CAMK1D: variants seen among roughly 807,000 people sequenced by gnomAD.
CAMK1D encodes calcium/calmodulin-dependent protein kinase type 1D.
In CAMK1D, 9 loss-of-function variants were observed where a neutral mutation model predicts 47.7. The ratio of observed to expected loss-of-function variants is 0.19; its 90% CI spans 0.11 to 0.33. The LOEUF is 0.33. Ranked by LOEUF, CAMK1D falls within the 10% of genes least tolerant of loss-of-function variation. CAMK1D has a pLI of 1.00. For missense variants in CAMK1D, 291 were observed against 488.7 expected, an observed-to-expected ratio of 0.60 and a Z score of 3.81; for synonymous variants, 184 against 184.9, an observed-to-expected ratio of 0.99 and a Z score of 0.04.
At chr10:12,674,599 C>CCTTTTTTTTTTT (rs1840736374) in intron 3 of CAMK1D, among the ~76,000 whole-genome samples, 2 of 63,472 alleles carry the variant, frequency 3.2e-5, no homozygotes, top group African/African-American at 6.6e-5. Context: ...TGGAAAAATG[C>CCTTTTTTTTTTT]TTTTTTTTTT....
rs377388222 is a variant in CAMK1D at position 12,615,795 on chromosome 10, G to A, written c.225-50941G>A. 2.3e-3 allele frequency among the ~76,000 whole-genome samples: 349 copies of A among 150,960 alleles called. 1 individual carries two copies. The Middle Eastern group carries it at 0.034, about 15-fold the overall frequency. ...GTAAGTGCATGTGTGTAGTGTGTAG[G>A]TATGTGTTGTGTGCGTGTGTATAGG... On this transcript the variant is annotated intron_variant, in intron 2 of 10. Coordinates refer to ENST00000619168, the MANE Select transcript of CAMK1D (RefSeq NM_153498.4).
intron 6 of CAMK1D, among the ~76,000 whole-genome samples, chr10:12,813,212 G>T (rs960106227): frequency 6.6e-6 from 1 of 152,160 alleles, no homozygotes. Flanking sequence ...GGCTTACAAC[G>T]TCTGTCAGCC....
At chr10:12,734,433 TACACACAC>T (rs1278593658) in intron 3 of CAMK1D, among the ~76,000 whole-genome samples, 8 of 2,306 alleles carry the variant, frequency 3.5e-3, no homozygotes, top group Non-Finnish European at 0.018. Context: ...TATATATATA[TACACACAC>T]ACATATGTGT....
Position 12,376,600 on chromosome 10 carries a change from G to A in CAMK1D, c.92+26690G>A, listed in dbSNP as rs145612025. Among the ~76,000 whole-genome samples the A allele has an allele frequency of 5.9e-5, 9 of 152,254 alleles. No homozygotes were observed. In the East Asian group the frequency reaches 1.7e-3, roughly 29 times the overall value. ...TGTACTCCTGTCATGCTTCTCCTGA[G>A]GTCCGGTGGAGGCCTTGCCTGGAGC... On this transcript the variant is annotated intron_variant, in intron 1 of 10. Coordinates refer to ENST00000619168, the MANE Select transcript of CAMK1D (RefSeq NM_153498.4).
intron 1 of CAMK1D, among the ~76,000 whole-genome samples, chr10:12,394,456 G>A (rs1007133294): frequency 6.6e-6 from 1 of 152,136 alleles, no homozygotes; most frequent in Admixed American, 6.5e-5. Context: ...TGGTTCCCCT[G>A]GTAACCAGCC....
At chr10:12,448,117 G>C (rs1332333170) in intron 1 of CAMK1D, among the ~76,000 whole-genome samples, 7 of 152,180 alleles carry the variant, frequency 4.6e-5, no homozygotes, top group African/African-American at 1.7e-4. Flanking sequence ...GCCTCCCAAA[G>C]TGTTGGGATT....
In CAMK1D at chr10:12,833,312, GA is replaced by G; in HGVS notation, c.*4427del. On this transcript the variant is annotated 3_prime_UTR_variant, in exon 11 of 11. Transcript: ENST00000619168. ...GAACACCAGGCACACGGGGTGGGGG[GA>G]ATGGGGGGAGCCCAGGTGATCCCCT... 1 of 152,766 alleles carries G rather than the reference GA, an allele frequency of 6.5e-6. No homozygotes were observed. 9.5% of individuals were successfully genotyped at this position (152,766 alleles called of 1,614,324 possible). A position where few individuals can be genotyped will look rare whatever the true frequency, so the allele number is the denominator to read the frequency against.
intron 6 of CAMK1D, among the ~76,000 whole-genome samples, chr10:12,810,354 A>C (rs1170005488): frequency 6.8e-5 from 10 of 146,672 alleles, no homozygotes; most frequent in Non-Finnish European, 1.5e-4. Context: ...AGCTCACTGC[A>C]ACCTCCGCCT....
chr10:12,522,750 C>A (rs941415334), intron 1 of CAMK1D, among the ~76,000 whole-genome samples: 85 of 151,480 alleles, frequency 5.6e-4, no homozygotes, highest in African/African-American at 1.9e-3. Context: ...GGCAGAGGGG[C>A]TCCTCACTTC....
chr10:12,378,175 C>T (rs1244719352), intron 1 of CAMK1D, among the ~76,000 whole-genome samples: 1 of 152,232 alleles, frequency 6.6e-6, no homozygotes, highest in Non-Finnish European at 1.5e-5. Flanking sequence ...CCCAGGGGCC[C>T]ATGTGCAAAG....
chr10:12,422,832 C>T (rs576852048), intron 1 of CAMK1D, among the ~76,000 whole-genome samples: 1 of 152,016 alleles, frequency 6.6e-6, no homozygotes, highest in South Asian at 2.1e-4. Context: ...GCCACCATGC[C>T]TGGCTCATTT....
intron 1 of CAMK1D, among the ~76,000 whole-genome samples, chr10:12,371,331 C>T (rs1466452735): frequency 6.6e-6 from 1 of 152,046 alleles, no homozygotes. Flanking sequence ...AATCCCAGCA[C>T]TTTGGGAGGC....
intron 1 of CAMK1D, among the ~76,000 whole-genome samples, chr10:12,410,712 A>T (rs1839627861): frequency 6.6e-6 from 1 of 152,090 alleles, no homozygotes; most frequent in Non-Finnish European, 1.5e-5. Context: ...TGTTAGCAGG[A>T]ATGACACACG....
At chr10:12,745,200 T>C (rs2130857189) in intron 3 of CAMK1D, among the ~76,000 whole-genome samples, 1 of 152,166 alleles carries the variant, frequency 6.6e-6, no homozygotes, top group Middle Eastern at 3.4e-3. Flanking sequence ...CCAGCCAATT[T>C]TTTGTATTTT....
intron 2 of CAMK1D, among the ~76,000 whole-genome samples, chr10:12,625,197 G>A (rs1038933858): frequency 6.6e-5 from 10 of 151,742 alleles, no homozygotes; most frequent in Non-Finnish European, 1.0e-4. Flanking sequence ...TGAACTGGGC[G>A]TGGTGGTGCA....
At chr10:12,560,652 C>T (rs1836910590) in intron 2 of CAMK1D, among the ~76,000 whole-genome samples, 1 of 151,750 alleles carries the variant, frequency 6.6e-6, no homozygotes, top group Non-Finnish European at 1.5e-5. Context: ...AATGGCTAAG[C>T]TGGTAAAGCT....
At chr10:12,673,097 C>A (rs1259913787) in intron 3 of CAMK1D, among the ~76,000 whole-genome samples, 1 of 151,902 alleles carries the variant, frequency 6.6e-6, no homozygotes, top group Admixed American at 6.6e-5. Flanking sequence ...CTTGCCCAGG[C>A]TGGTCTCGAA....
At chr10:12,767,642 T>C (rs368950510) in intron 4 of CAMK1D, among the ~76,000 whole-genome samples, 4 of 152,110 alleles carry the variant, frequency 2.6e-5, no homozygotes, top group South Asian at 4.1e-4. Flanking sequence ...AAGATGTACA[T>C]TGGCTAGGTA....
chr10:12,756,605 T>C (rs559367129), intron 3 of CAMK1D, among the ~76,000 whole-genome samples: 1 of 152,340 alleles, frequency 6.6e-6, no homozygotes, highest in South Asian at 2.1e-4. Flanking sequence ...AATGGCATTA[T>C]ACTGTCTTAG....
Sources: allele counts gnomAD v4.1 joint callset (sites outside exome capture counted in the v4.1 genomes callset), GRCh38; gene constraint gnomAD v4.1.1; transcripts MANE v1.5; gene names NCBI Gene and HGNC (gene_info 2026-07-23, HGNC 2026-07-21).